MECOM: variants seen among roughly 807,000 people sequenced by gnomAD.
The protein encoded by MECOM is MDS1 and EVI1 complex locus.
MECOM carries 13 observed loss-of-function variants against 116.3 expected under a neutral mutation model. The observed-to-expected ratio is 0.11, with a 90% CI of 0.07 to 0.18. The LOEUF (loss-of-function observed/expected upper bound fraction) is 0.18, where lower values mean the gene tolerates loss of function less well. Ranked by LOEUF, MECOM falls within the 10% of genes least tolerant of loss-of-function variation. The probability of loss-of-function intolerance (pLI) is 1.00; values close to 1 mark genes in which losing one functional copy is unlikely to be tolerated. For missense variants in MECOM, 1,299 were observed against 1,509.0 expected, an observed-to-expected ratio of 0.86 and a Z score of 2.31; for synonymous variants, 528 against 535.2, an observed-to-expected ratio of 0.99 and a Z score of 0.19.
At chr3:169,659,440 ATTTTTTTTTTTTTTTTTTTT>A (rs56270349) in intron 1 of MECOM, among the ~76,000 whole-genome samples, 7 of 62,138 alleles carry the variant, frequency 1.1e-4, no homozygotes, top group Admixed American at 2.8e-4. Context: ...CTAAACACAG[ATTTTTTTTTTTTTTTTTTTT>A]TTTTTTTTTT....
intron 1 of MECOM, among the ~76,000 whole-genome samples, chr3:169,472,468 G>T: frequency 6.8e-5 from 1 of 14,698 alleles, no homozygotes; most frequent in South Asian, 3.4e-3. Context: ...GGGAAAGAAG[G>T]AAAGGAAAGG....
intron 1 of MECOM, among the ~76,000 whole-genome samples, chr3:169,511,095 A>G (rs1039764883): frequency 6.6e-6 from 1 of 152,188 alleles, no homozygotes. Flanking sequence ...ATGTTTTTAT[A>G]TTAGGGTCAA....
chr3:169,511,531 G>A (rs1365228972), intron 1 of MECOM, among the ~76,000 whole-genome samples: 1 of 152,158 alleles, frequency 6.6e-6, no homozygotes, highest in Non-Finnish European at 1.5e-5. Context: ...GGAGGCCGAG[G>A]TGGGCAGATC....
chr3:169,169,737 G>T (rs1744126308), intron 2 of MECOM, among the ~76,000 whole-genome samples: 2 of 151,976 alleles, frequency 1.3e-5, no homozygotes, highest in Non-Finnish European at 2.9e-5. Context: ...TCAACTTCCT[G>T]GTTAACCATC....
At chr3:169,347,474 T>C (rs1413102140) in intron 2 of MECOM, among the ~76,000 whole-genome samples, 2 of 152,020 alleles carry the variant, frequency 1.3e-5, no homozygotes, top group African/African-American at 2.4e-5. Flanking sequence ...GTTGAAACTA[T>C]AGAGAGACAC....
intron 1 of MECOM, among the ~76,000 whole-genome samples, chr3:169,459,573 G>T (rs925574744): frequency 3.3e-5 from 5 of 152,188 alleles, no homozygotes; most frequent in East Asian, 1.9e-4. Flanking sequence ...AGGACAATTT[G>T]CTCAGCCTAA....
chr3:169,301,448 A>T lies in MECOM; in HGVS notation c.375+79739T>A, dbSNP rs75127347. Among the ~76,000 whole-genome samples the T allele has an allele frequency of 9.6e-3, 1,458 of 152,326 alleles. 44 individuals are homozygous for T. In the East Asian group the frequency reaches 0.11, roughly 11 times the overall value. Reference sequence around the variant, plus strand: ...GAAAATAAGCACTAGCAGTGTTGATAGCCTATGGCTTTTCACTTAGAATCA... The same window carrying T: ...GAAAATAAGCACTAGCAGTGTTGATTGCCTATGGCTTTTCACTTAGAATCA... On this transcript the variant is annotated intron_variant, in intron 2 of 16. Transcript: ENST00000651503.
chr3:169,207,937 A>T (rs1277509823), intron 2 of MECOM, among the ~76,000 whole-genome samples: 1 of 152,128 alleles, frequency 6.6e-6, no homozygotes, highest in Non-Finnish European at 1.5e-5. Context: ...AACATACAGA[A>T]TTTCAACTTT....
intron 2 of MECOM, among the ~76,000 whole-genome samples, chr3:169,226,654 T>C (rs545398809): frequency 5.9e-5 from 9 of 152,310 alleles, no homozygotes; most frequent in African/African-American, 2.2e-4. Context: ...CCTTTAGACA[T>C]CTATATAAAA....
intron 1 of MECOM, among the ~76,000 whole-genome samples, chr3:169,462,190 T>C (rs1288378532): frequency 6.6e-6 from 1 of 152,112 alleles, no homozygotes; most frequent in Non-Finnish European, 1.5e-5. Flanking sequence ...CCAGTGAAGG[T>C]AGCCCCAGCA....
Position 169,100,937 on chromosome 3 carries a change from A to G in MECOM, c.2797T>C (p.Ser933Pro). Residue 933 changes from serine (S) to proline (P), a missense_variant, in exon 12 of 17, where the codon TCT (serine) becomes CCT (proline). Coordinates refer to ENST00000651503, the MANE Select transcript of MECOM (RefSeq NM_004991.4). ...CTCAAGTGCCGTGTTAGGTTTGCAG[A>G]CCTTGGAAAAATCTTGCCACAGTAT... ...CRYCGKIFPR[S>P]ANLTRHLRTH... The G allele has an allele frequency of 1.2e-6, 2 of 1,609,038 alleles. No homozygotes were observed. Among genetic ancestry groups the G allele is most frequent in the Non-Finnish European group, 1.7e-6 (2 of 1,176,862 alleles).
chr3:169,558,170 C>T lies in MECOM; in HGVS notation c.37+105166G>A, dbSNP rs146743269. On this transcript the variant is annotated intron_variant, in intron 1 of 16. Coordinates refer to ENST00000651503, the MANE Select transcript of MECOM (RefSeq NM_004991.4). ...AATGATTCTGCCACTCACAGCAAAT[C>T]AGAGAATGGTTTGGAATGGCTTATT... 7.0e-4 allele frequency among the ~76,000 whole-genome samples: 107 copies of T among 152,272 alleles called. No homozygotes were observed. The Middle Eastern group carries it at 0.017, about 24-fold the overall frequency.
chr3:169,456,051 G>A (rs941178447), intron 1 of MECOM, among the ~76,000 whole-genome samples: 3 of 152,082 alleles, frequency 2.0e-5, no homozygotes, highest in African/African-American at 7.2e-5. Flanking sequence ...AAAAGTGAGA[G>A]GATTTTTACA....
At chr3:169,453,745 C>T (rs1455218079) in intron 1 of MECOM, among the ~76,000 whole-genome samples, 1 of 152,112 alleles carries the variant, frequency 6.6e-6, no homozygotes, top group Non-Finnish European at 1.5e-5. Context: ...TTGACAGCTG[C>T]TCCTAAGTGG....
intron 2 of MECOM, among the ~76,000 whole-genome samples, chr3:169,197,765 G>C (rs1174228545): frequency 2.0e-5 from 3 of 151,918 alleles, no homozygotes; most frequent in Non-Finnish European, 4.4e-5. Flanking sequence ...AAGAATAAGG[G>C]TTAAAGATTT....
chr3:169,355,156 T>A (rs890243517), intron 2 of MECOM, among the ~76,000 whole-genome samples: 3 of 151,984 alleles, frequency 2.0e-5, no homozygotes, highest in Non-Finnish European at 4.4e-5. Context: ...AACTTCAGCA[T>A]GAGTGCGATT....
chr3:169,209,915 G>A (rs1750490411), intron 2 of MECOM, among the ~76,000 whole-genome samples: 1 of 152,100 alleles, frequency 6.6e-6, no homozygotes, highest in South Asian at 2.1e-4. Context: ...TATGTTTATT[G>A]CAGCACTATT....
At chr3:169,214,561 A>G (rs926000079) in intron 2 of MECOM, among the ~76,000 whole-genome samples, 4 of 151,890 alleles carry the variant, frequency 2.6e-5, no homozygotes. Context: ...TTTGGTTTAG[A>G]CTTTAAGTCA....
chr3:169,642,401 C>A (rs962987212), intron 1 of MECOM, among the ~76,000 whole-genome samples: 7 of 149,768 alleles, frequency 4.7e-5, no homozygotes, highest in African/African-American at 1.7e-4. Context: ...GAGCCGAGAT[C>A]GCGCCACTGC....
Sources: allele counts gnomAD v4.1 joint callset (sites outside exome capture counted in the v4.1 genomes callset), GRCh38; gene constraint gnomAD v4.1.1; transcripts MANE v1.5; gene names NCBI Gene and HGNC (gene_info 2026-07-23, HGNC 2026-07-21).